The following UBE3B variants were observed in gnomAD, a reference collection of about 807,000 sequenced individuals.
The protein encoded by UBE3B is ubiquitin protein ligase E3B, also known as ubiquitin-protein ligase E3B.
UBE3B carries 80 observed loss-of-function variants against 132.3 expected under a neutral mutation model. The observed-to-expected ratio is 0.60, with a 90% CI of 0.50 to 0.73. UBE3B has a LOEUF of 0.73. Among genes scored for constraint, UBE3B ranks in the 30% least tolerant of loss-of-function variants. The pLI is 0.00. For missense variants in UBE3B, 1,196 were observed against 1,362.5 expected (o/e 0.88, Z 1.92); for synonymous variants, 487 against 520.4 (o/e 0.94, Z 0.87).
intron 14 of UBE3B, 85 bp downstream of exon 14, chr12:109,503,275 T>C: frequency 6.5e-7 from 1 of 1,529,852 alleles, no homozygotes; most frequent in Non-Finnish European, 8.8e-7. Flanking sequence ...TTTTCTGGCT[T>C]CTTTGACTCT....
At chr12:109,523,022 A>G (rs1881890415) in intron 21 of UBE3B, among the ~76,000 whole-genome samples, 1 of 152,136 alleles carries the variant, frequency 6.6e-6, no homozygotes, top group Non-Finnish European at 1.5e-5. Context: ...GCCATTTCCC[A>G]GGCCTCGCCT....
chr12:109,494,829 C>T (rs115205156), intron 9 of UBE3B, among the ~76,000 whole-genome samples: 2,152 of 152,218 alleles, frequency 0.014, 53 homozygotes, highest in African/African-American at 0.049. Context: ...ACTGATACGT[C>T]GCTCCCAGTC....
chr12:109,488,512 A>G (rs914389395), intron 6 of UBE3B, 60 bp from the exon 7 acceptor site: 4 of 1,471,792 alleles, frequency 2.7e-6, no homozygotes, highest in Middle Eastern at 1.7e-4. Flanking sequence ...TAAAGTGAAC[A>G]CTTCACTGTC....
At chr12:109,499,482 ACAG>A in intron 11 of UBE3B, 148 bp from the exon 12 acceptor site, 2 of 748,304 alleles carry the variant, frequency 2.7e-6, no homozygotes, top group Non-Finnish European at 2.0e-6. Flanking sequence ...TTTGCACCAC[ACAG>A]CAGCCTCCGG....
intron 26 of UBE3B, among the ~76,000 whole-genome samples, chr12:109,533,017 C>G (rs769791757): frequency 6.6e-6 from 1 of 152,216 alleles, no homozygotes; most frequent in Non-Finnish European, 1.5e-5. Flanking sequence ...GTTCGCACCA[C>G]GTGCAGTGGG....
chr12:109,490,856 C>CA, intron 8 of UBE3B, 189 bp from the exon 9 acceptor site: 1 of 1,131,280 alleles, frequency 8.8e-7, no homozygotes, highest in Non-Finnish European at 1.2e-6. Flanking sequence ...GTTGCCCTGT[C>CA]ACCCAGGCTG....
At chr12:109,511,373 C>G in intron 18 of UBE3B, 70 bp downstream of exon 18, 1 of 1,392,958 alleles carries the variant, frequency 7.2e-7, no homozygotes, top group Non-Finnish European at 1.0e-6. Flanking sequence ...CCTTTCCATC[C>G]TTGCTATGGC....
At chr12:109,518,013 G>T in intron 19 of UBE3B, 1 of 410,942 alleles carries the variant, frequency 2.4e-6, no homozygotes. Flanking sequence ...CATTCTTCAA[G>T]GTAGGCATAA....
chr12:109,485,229 A>G (rs1033391608), intron 4 of UBE3B, among the ~76,000 whole-genome samples: 4 of 152,208 alleles, frequency 2.6e-5, no homozygotes, highest in African/African-American at 9.7e-5. Context: ...CATGTCTCCA[A>G]GTTACCAGCT....
chr12:109,498,022 C>T (rs1878458901), intron 10 of UBE3B, 99 bp downstream of exon 10: 2 of 1,393,996 alleles, frequency 1.4e-6, no homozygotes, highest in Middle Eastern at 1.8e-4. Flanking sequence ...TATTTCCACA[C>T]CTCCCTTTAA....
At chr12:109,533,989 C>T (rs1461866024) in intron 27 of UBE3B, 1 of 1,298,482 alleles carries the variant, frequency 7.7e-7, no homozygotes, top group East Asian at 5.4e-5. Context: ...CCTCATTGGC[C>T]AAAGGAGAAG....
intron 9 of UBE3B, among the ~76,000 whole-genome samples, chr12:109,492,969 A>T (rs1252185847): frequency 6.6e-6 from 1 of 152,222 alleles, no homozygotes; most frequent in East Asian, 1.9e-4. Flanking sequence ...CAGTAGCCAC[A>T]TATAGCCAGT....
At chr12:109,537,385 C>G (rs954978666), downstream of UBE3B, among the ~76,000 whole-genome samples, 3 of 152,192 alleles carry the variant, frequency 2.0e-5, no homozygotes, top group Non-Finnish European at 2.9e-5. Flanking sequence ...GTGCTTCTGT[C>G]CTGACCCTCG....
Position 109,521,609 on chromosome 12 carries a change from T to G in UBE3B, c.2364+58T>G. 7.0e-7 allele frequency: 1 copy of G among 1,438,606 alleles called. No individual in the cohort carries two copies. Among genetic ancestry groups the G allele is most frequent in the Middle Eastern group, 1.8e-4 (1 of 5,488 alleles). 89.1% of individuals were successfully genotyped at this position (1,438,606 alleles called of 1,614,324 possible). On this transcript the variant is annotated intron_variant, in intron 21 of 27. Transcript: ENST00000342494. The surrounding 1 kb of genome is among the most constrained non-coding windows in gnomAD (Gnocchi z 4.2). Reference sequence around the variant, plus strand: ...TAAAATGTTAACGGTACCATGGGCTTCTTCACATACACATATGTGATCAGG... The same window carrying G: ...TAAAATGTTAACGGTACCATGGGCTGCTTCACATACACATATGTGATCAGG...
At chr12:109,483,116 C>A (rs1006565103) in intron 2 of UBE3B, among the ~76,000 whole-genome samples, 4 of 152,216 alleles carry the variant, frequency 2.6e-5, no homozygotes, top group Middle Eastern at 3.2e-3. Flanking sequence ...GCTGACCTCT[C>A]AGTTTTGGTT....
intron 2 of UBE3B, 62 bp from the exon 3 acceptor site, chr12:109,483,469 C>A: frequency 6.7e-7 from 1 of 1,486,014 alleles, no homozygotes; most frequent in Non-Finnish European, 8.9e-7. Context: ...CTCTTGAGCC[C>A]CTTTCTGTGT....
chr12:109,487,730 G>A (rs1346076549), intron 6 of UBE3B, among the ~76,000 whole-genome samples: 2 of 152,212 alleles, frequency 1.3e-5, no homozygotes, highest in Non-Finnish European at 2.9e-5. Context: ...CAAAGAAACA[G>A]ACGTCAGGAG....
rs1878732621 is a variant in UBE3B, at chr12:109,499,825, C to T, written c.1118+15C>T. The T allele has an allele frequency of 1.3e-6, 2 of 1,556,680 alleles. No individual in the cohort carries two copies. Among genetic ancestry groups the T allele is most frequent in the African/African-American group, 2.8e-5 (2 of 72,604 alleles). On this transcript the variant is annotated intron_variant, in intron 12 of 27. Coordinates refer to ENST00000342494, the MANE Select transcript of UBE3B (RefSeq NM_130466.4). ...GTGGATTATGGGTGAGTCCCAGATG[C>T]AAATCACTGTCTTTCCTGCCTCTCT...
intron 12 of UBE3B, among the ~76,000 whole-genome samples, chr12:109,500,894 C>A (rs1356800271): frequency 6.6e-6 from 1 of 152,178 alleles, no homozygotes; most frequent in African/African-American, 2.4e-5. Context: ...AGGAGTCTCA[C>A]CTCACCTTCT....
Sources: gnomAD v4.1 joint callset for allele counts (sites outside exome capture counted in the v4.1 genomes callset) on GRCh38, gnomAD v4.1.1 for gene constraint, Gnocchi (gnomAD v3.1) non-coding constraint, MANE v1.5 for transcripts, NCBI Gene and HGNC (gene_info 2026-07-23, HGNC 2026-07-21) for gene names.